Variants in SHOC2 observed in about 807,000 individuals in gnomAD.
SHOC2 encodes SHOC2 leucine rich repeat scaffold protein.
In SHOC2, 4 loss-of-function variants were observed where a neutral mutation model predicts 50.2. That is an observed-to-expected ratio of 0.08 (90% CI 0.04 to 0.18). The LOEUF is 0.18. SHOC2 is among the 10% of genes least tolerant of loss of function. The pLI is 1.00. For missense variants in SHOC2, 388 were observed against 669.6 expected, an observed-to-expected ratio of 0.58 and a Z score of 4.64; for synonymous variants, 218 against 244.5, an observed-to-expected ratio of 0.89 and a Z score of 1.01.
At chr10:110,961,063 A>C (rs1416119765) in intron 1 of SHOC2, among the ~76,000 whole-genome samples, 1 of 152,126 alleles carries the variant, frequency 6.6e-6, no homozygotes, top group Non-Finnish European at 1.5e-5. Flanking sequence ...TGCGGTAGTT[A>C]TTAGGTGGAG....
chr10:110,991,635 T>G (rs1296859058), intron 3 of SHOC2, among the ~76,000 whole-genome samples: 1 of 152,226 alleles, frequency 6.6e-6, no homozygotes, highest in Non-Finnish European at 1.5e-5. Context: ...AATAATTACT[T>G]TATCTTTCTC....
chr10:110,992,538 A>G (rs1268685773), intron 3 of SHOC2, among the ~76,000 whole-genome samples: 1 of 152,198 alleles, frequency 6.6e-6, no homozygotes. Flanking sequence ...TTTACTTTGT[A>G]TTTCTTCTCA....
At chr10:110,956,615 A>G (rs1463769028) in intron 1 of SHOC2, among the ~76,000 whole-genome samples, 1 of 152,234 alleles carries the variant, frequency 6.6e-6, no homozygotes, top group African/African-American at 2.4e-5. Flanking sequence ...AAAAAGTTTA[A>G]GACTTTTCCA....
rs1194621920 is a variant in SHOC2 at position 111,013,389 on chromosome 10, T to G, written c.*1571T>G. On this transcript the variant is annotated 3_prime_UTR_variant, in exon 9 of 9. Transcript: ENST00000369452. ...AAGGCTATGATATTAAGATAGAAAT[T>G]TGGACTGTTGTTCTGCTTTTCCTGG... 1 of 152,076 alleles carries G rather than the reference T, an allele frequency of 6.6e-6. No homozygotes were observed. Among genetic ancestry groups the G allele is most frequent in the African/African-American group, 2.4e-5 (1 of 41,422 alleles). The allele number at this position is 152,076 out of a possible 1,614,324, so 9.4% of individuals were successfully genotyped here.
Position 111,011,777 on chromosome 10 carries a change from C to G in SHOC2, c.1708C>G (p.Gln570Glu). The G allele has an allele frequency of 1.2e-6, 2 of 1,613,922 alleles. No individual in the cohort carries two copies. Among genetic ancestry groups the G allele is most frequent in the Non-Finnish European group, 1.7e-6 (2 of 1,179,904 alleles). The change falls in exon 9 of 9, where the codon CAG (glutamine) becomes GAG (glutamate). Residue 570 changes from glutamine (Q) to glutamate (E), a missense_variant. By Grantham distance (29) the Gln-to-Glu change is conservative. This residue lies in a region of SHOC2 where 130 missense variants were observed against 208.6 expected (regional missense o/e 0.62). Transcript: ENST00000369452. ...IVAGGPSFII[Q>E]FLKMQGPYRA... ...TGCTGGGGGGCCTTCTTTCATCATT[C>G]AGTTCTTAAAGATGCAGGGTCCATA... is the stretch of plus-strand genomic sequence containing the variant.
intron 2 of SHOC2, among the ~76,000 whole-genome samples, chr10:110,981,118 C>G (rs1201024255): frequency 6.6e-6 from 1 of 152,106 alleles, no homozygotes; most frequent in African/African-American, 2.4e-5. Context: ...TGTGAATGGC[C>G]ATGAAGATCC....
At chr10:111,002,449 G>T (rs989283369) in intron 4 of SHOC2, among the ~76,000 whole-genome samples, 1 of 152,178 alleles carries the variant, frequency 6.6e-6, no homozygotes, top group Non-Finnish European at 1.5e-5. Context: ...TTTGAAGACT[G>T]TCTGAAAATG....
intron 2 of SHOC2, among the ~76,000 whole-genome samples, chr10:110,973,459 C>T (rs1301774958): frequency 1.3e-5 from 2 of 151,698 alleles, no homozygotes; most frequent in African/African-American, 2.4e-5. Flanking sequence ...TTTTTTTTGT[C>T]TGTATTCATC....
intron 2 of SHOC2, among the ~76,000 whole-genome samples, chr10:110,966,426 C>T (rs902177699): frequency 6.6e-6 from 1 of 151,982 alleles, no homozygotes; most frequent in Non-Finnish European, 1.5e-5. Flanking sequence ...TGTTATGGCT[C>T]ATTGTGGAAT....
intron 1 of SHOC2, among the ~76,000 whole-genome samples, chr10:110,948,669 G>A (rs1847294013): frequency 6.6e-6 from 1 of 152,186 alleles, no homozygotes; most frequent in African/African-American, 2.4e-5. Context: ...TTGAAAAGGT[G>A]TCTCGAGACA....
intron 8 of SHOC2, 73 bp from the exon 9 acceptor site, chr10:111,011,537 C>G: frequency 1.0e-6 from 1 of 983,252 alleles, no homozygotes; most frequent in South Asian, 1.3e-5. Context: ...ATGACCAGAA[C>G]AGCATCATGC....
At chr10:110,980,998 G>A (rs139106808) in intron 2 of SHOC2, among the ~76,000 whole-genome samples, 126 of 152,210 alleles carry the variant, frequency 8.3e-4, no homozygotes, top group Middle Eastern at 3.4e-3. Flanking sequence ...TCATGTAGAT[G>A]GAAACTTGTT....
At chr10:110,950,970 G>A (rs965610510) in intron 1 of SHOC2, among the ~76,000 whole-genome samples, 1 of 152,176 alleles carries the variant, frequency 6.6e-6, no homozygotes, top group Non-Finnish European at 1.5e-5. Flanking sequence ...TCTTGACATT[G>A]GTTGGGGCAA....
Position 110,964,841 on chromosome 10 carries a change from G to A in SHOC2, c.483G>A (p.Leu161=). The A allele has an allele frequency of 6.2e-7, 1 of 1,614,022 alleles. No homozygotes were observed. Among genetic ancestry groups the A allele is most frequent in the Non-Finnish European group, 8.5e-7 (1 of 1,179,960 alleles). The change falls in exon 2 of 9, where the codon TTG becomes TTA. Residue 161 remains leucine, a synonymous_variant. Coordinates refer to ENST00000369452, the MANE Select transcript of SHOC2 (RefSeq NM_007373.4). The surrounding 1 kb of genome is among the most constrained non-coding windows in gnomAD (Gnocchi z 4.9). ...LALSENSLTS[L]PDSLDNLKKL... is the part of the protein sequence containing the mutation. Reference sequence around the variant, plus strand: ...TAAGTGAAAATTCACTTACCAGTTTGCCTGACTCTCTTGATAACTTGAAGA... The same window carrying A: ...TAAGTGAAAATTCACTTACCAGTTTACCTGACTCTCTTGATAACTTGAAGA...
chr10:110,944,651 C>T (rs1023773933), intron 1 of SHOC2, among the ~76,000 whole-genome samples: 1 of 152,162 alleles, frequency 6.6e-6, no homozygotes, highest in South Asian at 2.1e-4. Context: ...CTATGAAAAT[C>T]ACATTTTGCC....
intron 1 of SHOC2, among the ~76,000 whole-genome samples, chr10:110,920,549 CCTTT>C (rs1463935496): frequency 1.3e-5 from 2 of 152,130 alleles, no homozygotes; most frequent in Non-Finnish European, 2.9e-5. Context: ...TTTCTTCCTT[CCTTT>C]CTTTAAGCAG....
intron 2 of SHOC2, among the ~76,000 whole-genome samples, chr10:110,983,674 A>C (rs895742408): frequency 1.1e-4 from 16 of 152,120 alleles, no homozygotes; most frequent in African/African-American, 3.6e-4. Context: ...ATAAGTCCTC[A>C]TTCCCCTCTC....
At chr10:110,943,959 A>G (rs1057070821) in intron 1 of SHOC2, among the ~76,000 whole-genome samples, 4 of 152,104 alleles carry the variant, frequency 2.6e-5, no homozygotes, top group Non-Finnish European at 5.9e-5. Flanking sequence ...ATCATTTCAG[A>G]TCGTCTTTTG....
intron 6 of SHOC2, among the ~76,000 whole-genome samples, chr10:111,008,489 C>G (rs560491158): frequency 7.4e-4 from 113 of 151,960 alleles, no homozygotes; most frequent in African/African-American, 2.7e-3. Flanking sequence ...GTTTCTTAAG[C>G]TGTGAAATGG....
Sources: allele counts gnomAD v4.1 joint callset (sites outside exome capture counted in the v4.1 genomes callset), GRCh38; gene constraint gnomAD v4.1.1; regional missense constraint gnomAD v4.1.1; non-coding constraint Gnocchi (gnomAD v3.1); transcripts MANE v1.5; gene names NCBI Gene and HGNC (gene_info 2026-07-23, HGNC 2026-07-21).